The following MGAT4A variants were observed in gnomAD, a reference collection of about 807,000 sequenced individuals.
The protein encoded by MGAT4A is N-acetylglucosaminyltransferase IVa.
A neutral mutation model predicts 74.1 loss-of-function variants in MGAT4A; 33 were observed. That is an observed-to-expected ratio of 0.45 (90% CI 0.34 to 0.60). The LOEUF (loss-of-function observed/expected upper bound fraction) is 0.60, where lower values mean the gene tolerates loss of function less well. MGAT4A is among the 20% of genes least tolerant of loss of function. The pLI, the probability that MGAT4A is intolerant of heterozygous loss-of-function variation, is 0.02. For synonymous variants in MGAT4A, 198 were observed against 210.4 expected (o/e 0.94, Z 0.51); for missense variants, 479 against 628.3 (o/e 0.76, Z 2.54).
rs76388348 is a variant in MGAT4A at position 98,726,842 on chromosome 2, A to G, written c.-235-275T>C. On this transcript the variant is annotated intron_variant, in intron 1 of 15. Transcript: ENST00000393487. The stretch of plus-strand genomic sequence containing the variant: ...TATGGTGACTGATTTTAAAGGGAAA[A>G]GTGGAGCTCACAGATTCCAAGATGA... The G allele has an allele frequency of 6.4e-3, 984 of 152,808 alleles. 2 individuals carry two copies. Among genetic ancestry groups the G allele is most frequent in the African/African-American group, 0.022 (927 of 41,580 alleles). The allele number at this position is 152,808 out of a possible 1,614,324, so 9.5% of individuals were successfully genotyped here.
intron 4 of MGAT4A, among the ~76,000 whole-genome samples, chr2:98,670,893 T>C (rs1216594900): frequency 1.3e-5 from 2 of 152,236 alleles, no homozygotes; most frequent in Non-Finnish European, 2.9e-5. Context: ...ATCTCTCCTT[T>C]GAGTCCCAGA....
At position 98,644,010 on chromosome 2, in the gene MGAT4A, G is replaced by A. The variant is rs750490785; in HGVS notation, c.933C>T (p.Phe311=). Reference sequence around the variant, plus strand: ...GTTTCTCCTTGTAAAACATGAATATGAATTCTACAATCAGAGTAAGATCCG... The same window carrying A: ...GTTTCTCCTTGTAAAACATGAATATAAATTCTACAATCAGAGTAAGATCCG... ...QAPDLTLIVE[F]IFMFYKEKPI... is the part of the protein sequence containing the mutation. The change falls in exon 10 of 16, where the codon TTC becomes TTT. Residue 311 remains phenylalanine, a synonymous_variant. Transcript: ENST00000393487. The A allele has an allele frequency of 1.2e-6, 2 of 1,604,840 alleles. No individual in the cohort carries two copies. Among genetic ancestry groups the A allele is most frequent in the Non-Finnish European group, 1.7e-6 (2 of 1,173,476 alleles).
At chr2:98,674,913 G>A in intron 4 of MGAT4A, 122 bp downstream of exon 4, 1 of 929,144 alleles carries the variant, frequency 1.1e-6, no homozygotes. Flanking sequence ...ATGATCTGAT[G>A]TGCACAGATA....
chr2:98,694,093 C>T, intron 2 of MGAT4A: 1 of 153,884 alleles, frequency 6.5e-6, no homozygotes, highest in South Asian at 1.8e-4. Flanking sequence ...GCCCCAGCCA[C>T]CCACCCACCA....
chr2:98,696,840 A>G lies in MGAT4A; in HGVS notation c.95-18369T>C, dbSNP rs1702281346. The stretch of plus-strand genomic sequence containing the variant: ...TACTATGGCTTTGTAACAACTGCAT[A>G]CCCATACATTAAGAAACGGGTGAAT... On this transcript the variant is annotated intron_variant, in intron 2 of 15. Transcript: ENST00000393487. 2.0e-5 allele frequency among the ~76,000 whole-genome samples: 3 copies of G among 152,342 alleles called. 1 individual carries two copies. The South Asian group carries it at 6.2e-4, about 32-fold the overall frequency.
chr2:98,679,991 A>G (rs957268952), intron 2 of MGAT4A, among the ~76,000 whole-genome samples: 5 of 151,960 alleles, frequency 3.3e-5, no homozygotes, highest in Admixed American at 6.5e-5. Context: ...TCCAACTTCT[A>G]TAGCAAGCTA....
rs996413091 is a variant in MGAT4A at position 98,619,621 on chromosome 2, TAC to T, written c.*5943_*5944del. ...TATCAAATCTACTGGCAGTGCATCTTACAGTACTGTCGATAGCAGCCATTTTT... is the reference window on the plus strand; with the variant it reads ...TATCAAATCTACTGGCAGTGCATCTTAGTACTGTCGATAGCAGCCATTTTT... On this transcript the variant is annotated 3_prime_UTR_variant, in exon 16 of 16. Coordinates refer to ENST00000393487, the MANE Select transcript of MGAT4A (RefSeq NM_012214.3). The T allele has an allele frequency of 6.6e-6, 1 of 152,244 alleles. No homozygotes were observed. Among genetic ancestry groups the T allele is most frequent in the Admixed American group, 6.5e-5 (1 of 15,288 alleles). The allele number at this position is 152,244 out of a possible 1,614,324, so 9.4% of individuals were successfully genotyped here. A position where few individuals can be genotyped will look rare whatever the true frequency, so the allele number is the denominator to read the frequency against.
chr2:98,624,565 C>T lies in MGAT4A; in HGVS notation c.*1001G>A, dbSNP rs924754025. On this transcript the variant is annotated 3_prime_UTR_variant, in exon 16 of 16. Transcript: ENST00000393487. Reference sequence around the variant, plus strand: ...AAAATTATACCAATTATGACTCATACAATAGCAACACCTAGAAAACATTTT... The same window carrying T: ...AAAATTATACCAATTATGACTCATATAATAGCAACACCTAGAAAACATTTT... The T allele has an allele frequency of 2.0e-6, 2 of 983,410 alleles. No individual in the cohort carries two copies. The highest frequency in any genetic ancestry group is 2.4e-6 in the Non-Finnish European group (2 of 828,192). 60.9% of individuals were successfully genotyped at this position (983,410 alleles called of 1,614,324 possible). A position where few individuals can be genotyped will look rare whatever the true frequency, so the allele number is the denominator to read the frequency against.
At chr2:98,663,229 A>C in intron 4 of MGAT4A, 50 bp from the exon 5 acceptor site, 1 of 1,534,698 alleles carries the variant, frequency 6.5e-7, no homozygotes, top group Non-Finnish European at 8.8e-7. Context: ...AGGACAATAC[A>C]GAAAAACACT....
intron 2 of MGAT4A, among the ~76,000 whole-genome samples, chr2:98,678,857 G>C (rs1476271848): frequency 6.6e-6 from 1 of 151,954 alleles, no homozygotes; most frequent in East Asian, 1.9e-4. Flanking sequence ...ACCAGATAGA[G>C]AGATGAGGCA....
At chr2:98,711,367 T>C (rs1383344059) in intron 2 of MGAT4A, among the ~76,000 whole-genome samples, 1 of 151,306 alleles carries the variant, frequency 6.6e-6, no homozygotes, top group Admixed American at 6.6e-5. Flanking sequence ...CAGTCAATAA[T>C]CCTGATCACA....
At position 98,621,295 on chromosome 2, in the gene MGAT4A, C is replaced by T. The variant is rs1701057010; in HGVS notation, c.*4271G>A. ...GACTGGAGATGAATGCCTTTCCAAGCCTATGAATGAGCTTATGGGCTGAAT... is the reference window on the plus strand; with the variant it reads ...GACTGGAGATGAATGCCTTTCCAAGTCTATGAATGAGCTTATGGGCTGAAT... On this transcript the variant is annotated 3_prime_UTR_variant, in exon 16 of 16. Coordinates refer to ENST00000393487, the MANE Select transcript of MGAT4A (RefSeq NM_012214.3). 7.4e-7 allele frequency: 1 copy of T among 1,345,952 alleles called. No homozygotes were observed. The highest frequency in any genetic ancestry group is 1.5e-5 in the African/African-American group (1 of 67,154). The allele number at this position is 1,345,952 out of a possible 1,614,324, so 83.4% of individuals were successfully genotyped here.
rs776823277 is a variant in MGAT4A, at chr2:98,655,411, C to A, written c.774+34G>T. 14 of 1,492,444 alleles carry A rather than the reference C, an allele frequency of 9.4e-6. No homozygotes were observed. The African/African-American group carries it at 1.6e-4, about 17-fold the overall frequency. The allele number at this position is 1,492,444 out of a possible 1,614,324, so 92.5% of individuals were successfully genotyped here. ...TACCCTTGATAACACTTTTTCTTTA[C>A]AAGCATGAAAAACAAAGGAAAAACT... On this transcript the variant is annotated intron_variant, in intron 8 of 15. Transcript: ENST00000393487.
At chr2:98,670,342 G>C (rs1173418752) in intron 4 of MGAT4A, among the ~76,000 whole-genome samples, 1 of 152,108 alleles carries the variant, frequency 6.6e-6, no homozygotes, top group African/African-American at 2.4e-5. Context: ...TGCATATGTA[G>C]TACCTCTATT....
chr2:98,707,821 A>G (rs1244182674), intron 2 of MGAT4A, among the ~76,000 whole-genome samples: 5 of 152,162 alleles, frequency 3.3e-5, no homozygotes, highest in Non-Finnish European at 7.4e-5. Context: ...CTACCATTCC[A>G]GAGCAAGGCT....
At chr2:98,723,299 G>A (rs1346110128) in intron 2 of MGAT4A, among the ~76,000 whole-genome samples, 2 of 152,202 alleles carry the variant, frequency 1.3e-5, no homozygotes, top group Non-Finnish European at 2.9e-5. Context: ...TGCGCCAGCA[G>A]CATGCGCCAG....
intron 2 of MGAT4A, among the ~76,000 whole-genome samples, chr2:98,704,288 T>C (rs1482686807): frequency 6.6e-6 from 1 of 152,246 alleles, no homozygotes; most frequent in South Asian, 2.1e-4. Flanking sequence ...CGCTTACATC[T>C]GTAATCCCAG....
intron 13 of MGAT4A, among the ~76,000 whole-genome samples, chr2:98,635,988 A>AAAAATAAAAT (rs201089786): frequency 0.12 from 16,483 of 140,620 alleles, 1,109 homozygotes; most frequent in Middle Eastern, 0.15. Flanking sequence ...TCTGTCTCAA[A>AAAAATAAAAT]AAAATAAAAT....
intron 2 of MGAT4A, among the ~76,000 whole-genome samples, chr2:98,713,862 TATAA>T (rs1453727199): frequency 6.6e-6 from 1 of 152,208 alleles, no homozygotes; most frequent in African/African-American, 2.4e-5. Flanking sequence ...CCTAACAGAT[TATAA>T]ATAAATAACA....
Sources: allele counts gnomAD v4.1 joint callset (sites outside exome capture counted in the v4.1 genomes callset), GRCh38; gene constraint gnomAD v4.1.1; transcripts MANE v1.5; gene names NCBI Gene and HGNC (gene_info 2026-07-23, HGNC 2026-07-21).